Variants in CLEC18A observed in about 807,000 individuals in gnomAD.
CLEC18A encodes the protein mannose receptor-like 1.
A neutral mutation model predicts 24.0 loss-of-function variants in CLEC18A; 5 were observed. That is an observed-to-expected ratio of 0.21 (90% CI 0.11 to 0.44). The LOEUF (loss-of-function observed/expected upper bound fraction) is 0.44, where lower values mean the gene tolerates loss of function less well. Ranked by LOEUF, CLEC18A falls within the 20% of genes least tolerant of loss-of-function variation. CLEC18A has a pLI of 0.99. For synonymous variants in CLEC18A, 29 were observed against 100.1 expected, an observed-to-expected ratio of 0.29 and a Z score of 4.24; for missense variants, 83 against 233.4, an observed-to-expected ratio of 0.36 and a Z score of 4.20.
chr16:69,965,081 C>A (rs1247288263), downstream of CLEC18A, among the ~76,000 whole-genome samples: 1 of 149,474 alleles, frequency 6.7e-6, no homozygotes, highest in Non-Finnish European at 1.5e-5. Flanking sequence ...GGGTTACAGG[C>A]ATGAGGCCCG....
At chr16:69,965,154 G>A (rs559702488), downstream of CLEC18A, among the ~76,000 whole-genome samples, 473 of 151,782 alleles carry the variant, frequency 3.1e-3, 11 homozygotes, top group African/African-American at 0.011. Context: ...AACCGGGCGC[G>A]GGCAGTTGTC....
the CLEC18A span, among the ~76,000 whole-genome samples, chr16:69,943,544 A>G: frequency 2.0e-5 from 3 of 152,168 alleles, no homozygotes; most frequent in African/African-American, 7.2e-5. Context: ...GTGGAATCAT[A>G]TAGTACTTGT....
Position 69,954,433 on chromosome 16 carries a change from G to A in CLEC18A, c.316G>A (p.Val106Met). 6.2e-7 allele frequency: 1 copy of A among 1,611,820 alleles called. No individual in the cohort carries two copies. Among genetic ancestry groups the A allele is most frequent in the Admixed American group, 1.7e-5 (1 of 59,818 alleles). ...GTCCGGCCTGTGGCGCACCCTGCAA[G>A]TGGGCTGGAACATGCAGCTGCTACC... ...LASGLWRTLQ[V>M]GWNMQLLPAG... Residue 106 changes from valine to methionine, a missense_variant, in exon 3 of 12, where the codon GTG becomes ATG. Val to Met is a conservative substitution (Grantham distance 21, BLOSUM62 1). Transcript: ENST00000288040.
the CLEC18A span, among the ~76,000 whole-genome samples, chr16:69,944,619 C>A: frequency 2.6e-5 from 4 of 151,904 alleles, no homozygotes. Flanking sequence ...GCAGGTGGAT[C>A]ACAAGGTCAG....
chr16:69,944,548 G>T, the CLEC18A span, among the ~76,000 whole-genome samples: 1 of 151,540 alleles, frequency 6.6e-6, no homozygotes, highest in African/African-American at 2.4e-5. Context: ...CTAAAAAAAA[G>T]AAAAAGAAGG....
the CLEC18A span, among the ~76,000 whole-genome samples, chr16:69,945,308 G>GT: frequency 1.3e-5 from 2 of 151,458 alleles, 1 homozygote; most frequent in Non-Finnish European, 2.9e-5. Context: ...GGCCATAAAT[G>GT]TAAGTTTTTT....
downstream of CLEC18A, among the ~76,000 whole-genome samples, chr16:69,965,610 G>C (rs1356296047): frequency 2.0e-5 from 3 of 149,246 alleles, no homozygotes; most frequent in African/African-American, 7.5e-5. Context: ...GGTGTCCCTG[G>C]GGGCCGGGGG....
intron 2 of CLEC18A, 64 bp from the exon 3 acceptor site, chr16:69,954,270 A>T: frequency 6.4e-7 from 1 of 1,571,352 alleles, no homozygotes; most frequent in Non-Finnish European, 8.7e-7. Flanking sequence ...AGGGGAGTTG[A>T]ATCTTTGAGG....
upstream of CLEC18A, among the ~76,000 whole-genome samples, chr16:69,950,297 C>T (rs2058931302): frequency 7.9e-6 from 1 of 127,018 alleles, no homozygotes. Context: ...CACACAAACT[C>T]CAGAAGGAGG....
chr16:69,944,867 G>A, the CLEC18A span, among the ~76,000 whole-genome samples: 160 of 120,216 alleles, frequency 1.3e-3, 39 homozygotes, highest in African/African-American at 5.6e-3. Flanking sequence ...AGGGCCGGGC[G>A]CGGTGGCTCA....
rs1340291007 is a variant in CLEC18A, at chr16:69,954,458, C to G, written c.341C>G (p.Pro114Arg). 3.8e-6 allele frequency: 6 copies of G among 1,595,476 alleles called. No individual in the cohort carries two copies. Among genetic ancestry groups the G allele is most frequent in the Non-Finnish European group, 5.1e-6 (6 of 1,167,198 alleles). Residue 114 changes from proline (P) to arginine (R), a missense_variant, in exon 3 of 12, where the codon CCC (proline) becomes CGC (arginine). Around this residue, in one of 3 missense-constraint regions of CLEC18A, gnomAD observed 71 missense variants for 107.4 expected, o/e 0.66. Coordinates refer to ENST00000288040, the MANE Select transcript of CLEC18A (RefSeq NM_001370523.4). The part of the protein sequence containing the change: ...LQVGWNMQLL[P>R]AGLVSFVEVV... ...GTGGGCTGGAACATGCAGCTGCTACCCGCGGGCTTGGTGTCCTTTGTCGAA... is the reference window on the plus strand; with the variant it reads ...GTGGGCTGGAACATGCAGCTGCTACGCGCGGGCTTGGTGTCCTTTGTCGAA...
At chr16:69,944,856 T>C in the CLEC18A span, among the ~76,000 whole-genome samples, 1 of 109,376 alleles carries the variant, frequency 9.1e-6, no homozygotes, top group African/African-American at 4.4e-5. Context: ...AAAAAAAGAA[T>C]AGGGCCGGGC....
chr16:69,953,010 C>T (rs1324192681), intron 2 of CLEC18A: 1 of 149,340 alleles, frequency 6.7e-6, no homozygotes, highest in East Asian at 2.0e-4. Context: ...CCAGCTGTGA[C>T]CTCCGTGGTT....
At chr16:69,951,285 G>C (rs2058942922), upstream of CLEC18A, 1 of 1,573,842 alleles carries the variant, frequency 6.4e-7, no homozygotes, top group African/African-American at 1.3e-5. Flanking sequence ...TGGAGATTGT[G>C]AATAGCTCCA....
At position 69,953,884 on chromosome 16, in the gene CLEC18A, G is replaced by A. The variant is rs677149; in HGVS notation, c.217-450G>A. 3.7e-4 allele frequency: 105 copies of A among 282,082 alleles called. 1 individual carries two copies. The highest frequency in any genetic ancestry group is 1.3e-3 in the East Asian group (15 of 11,614). 17.5% of individuals were successfully genotyped at this position (282,082 alleles called of 1,614,324 possible). A position where few individuals can be genotyped will look rare whatever the true frequency, so the allele number is the denominator to read the frequency against. ...TGCGTGGTGGGGAGCATATGAGGCC[G>A]GGCTCCTGGGGGCAGGAGACTAGGG... On this transcript the variant is annotated intron_variant, in intron 2 of 11. Transcript: ENST00000288040.
At chr16:69,944,330 G>C in the CLEC18A span, among the ~76,000 whole-genome samples, 77,281 of 151,104 alleles carry the variant, frequency 0.51, 22,627 homozygotes, top group African/African-American at 0.83. Flanking sequence ...ACAGCAGAAC[G>C]TCAGCTCTTG....
downstream of CLEC18A, chr16:69,964,300 A>T (rs541882648): frequency 6.7e-6 from 1 of 149,564 alleles, no homozygotes; most frequent in Admixed American, 6.6e-5. Context: ...ACCAGGGCCA[A>T]TGGTAGTCAG....
chr16:69,954,376 G>A lies in CLEC18A; in HGVS notation c.259G>A (p.Ala87Thr). Residue 87 changes from alanine to threonine, a missense_variant, in exon 3 of 12, where the codon GCC becomes ACC. Ala to Thr is a moderately conservative substitution (Grantham distance 58, BLOSUM62 0). Transcript: ENST00000288040. ...SLAQLAQARA[A>T]LCGTPTPSLA... ...GGCCCAGCTGGCTCAAGCCAGGGCA[G>A]CCCTCTGTGGAACCCCAACCCCGAG... 6.2e-7 allele frequency: 1 copy of A among 1,608,500 alleles called. No individual in the cohort carries two copies. Among genetic ancestry groups the A allele is most frequent in the Non-Finnish European group, 8.5e-7 (1 of 1,178,270 alleles).
At chr16:69,966,301 C>T (rs1959391493), downstream of CLEC18A, among the ~76,000 whole-genome samples, 1 of 148,946 alleles carries the variant, frequency 6.7e-6, no homozygotes, top group Admixed American at 6.8e-5. Context: ...TGAACCAGAG[C>T]AACTCCATCT....
Sources: gnomAD v4.1 joint callset for allele counts (sites outside exome capture counted in the v4.1 genomes callset) on GRCh38, gnomAD v4.1.1 for gene constraint, gnomAD v4.1.1 regional missense constraint, MANE v1.5 for transcripts, NCBI Gene and HGNC (gene_info 2026-07-23, HGNC 2026-07-21) for gene names.